The following WDFY2 variants were observed in gnomAD, a reference collection of about 807,000 sequenced individuals.
WDFY2 encodes WD repeat and FYVE domain containing 2.
A neutral mutation model predicts 56.4 loss-of-function variants in WDFY2; 36 were observed. That is an observed-to-expected ratio of 0.64 (90% CI 0.49 to 0.84). The LOEUF is 0.84. Ranked by LOEUF, WDFY2 falls within the 40% of genes least tolerant of loss-of-function variation. The pLI is 0.00. For synonymous variants in WDFY2, 176 were observed against 183.7 expected, an observed-to-expected ratio of 0.96 and a Z score of 0.34; for missense variants, 444 against 512.2, an observed-to-expected ratio of 0.87 and a Z score of 1.29.
At chr13:51,623,039 G>A (rs1409505618) in intron 1 of WDFY2, among the ~76,000 whole-genome samples, 1 of 151,994 alleles carries the variant, frequency 6.6e-6, no homozygotes, top group African/African-American at 2.4e-5. Flanking sequence ...TATATTTTTA[G>A]TGGAGACGGG....
chr13:51,722,583 A>G (rs1023178385), intron 5 of WDFY2, among the ~76,000 whole-genome samples: 1 of 152,324 alleles, frequency 6.6e-6, no homozygotes, highest in Non-Finnish European at 1.5e-5. Context: ...TACTTTGTTC[A>G]CTGTCAAAAC....
intron 1 of WDFY2, among the ~76,000 whole-genome samples, chr13:51,611,399 A>G (rs1274740977): frequency 6.6e-6 from 1 of 152,204 alleles, no homozygotes; most frequent in East Asian, 1.9e-4. Flanking sequence ...TAAAAAAAGA[A>G]TATCCTTTGT....
intron 2 of WDFY2, among the ~76,000 whole-genome samples, chr13:51,672,361 A>T (rs1167919978): frequency 6.6e-6 from 1 of 151,816 alleles, no homozygotes; most frequent in African/African-American, 2.4e-5. Flanking sequence ...GACTGTAAGT[A>T]TTTGGGTTTA....
chr13:51,673,541 A>G (rs1955838831), intron 2 of WDFY2, among the ~76,000 whole-genome samples: 1 of 152,234 alleles, frequency 6.6e-6, no homozygotes, highest in Non-Finnish European at 1.5e-5. Flanking sequence ...TTTTCCATGT[A>G]TCCTGTACTT....
At chr13:51,692,467 T>G (rs887272432) in intron 3 of WDFY2, among the ~76,000 whole-genome samples, 2 of 152,248 alleles carry the variant, frequency 1.3e-5, no homozygotes, top group African/African-American at 4.8e-5. Flanking sequence ...GGTTTTTCTC[T>G]TTGGTTCTGT....
chr13:51,616,979 G>A (rs1159148614), intron 1 of WDFY2, among the ~76,000 whole-genome samples: 1 of 152,182 alleles, frequency 6.6e-6, no homozygotes, highest in Admixed American at 6.5e-5. Flanking sequence ...TTGAGTTCAT[G>A]TCATTGTGAC....
chr13:51,667,879 C>CTGTTTTTTTTTTT (rs1955736987), intron 2 of WDFY2, among the ~76,000 whole-genome samples: 1 of 50,046 alleles, frequency 2.0e-5, no homozygotes, highest in African/African-American at 1.0e-4. Flanking sequence ...TGAGGAACTT[C>CTGTTTTTTTTTTT]TTTTTTTTTT....
intron 4 of WDFY2, among the ~76,000 whole-genome samples, chr13:51,704,493 A>G (rs913461267): frequency 2.0e-5 from 3 of 152,198 alleles, no homozygotes; most frequent in Admixed American, 6.5e-5. Context: ...ACATTGTGTG[A>G]TAAGTGATAA....
chr13:51,603,307 AGTTCCCTTGTGGGGCATTGG>A (rs939181067), intron 1 of WDFY2, among the ~76,000 whole-genome samples: 29 of 152,266 alleles, frequency 1.9e-4, no homozygotes, highest in South Asian at 6.2e-4. Flanking sequence ...CTGTAGTAGA[AGTTCCCTTGTGGGGCATTGG>A]GTTCCCTTGT....
At chr13:51,738,976 G>A (rs763712107) in intron 6 of WDFY2, 73 bp from the exon 7 acceptor site, 95 of 1,397,768 alleles carry the variant, frequency 6.8e-5, no homozygotes, top group Non-Finnish European at 8.2e-5. Context: ...TTCTGTCTCC[G>A]CTGCATTCAC....
At position 51,767,430 on chromosome 13, in the gene WDFY2, T is replaced by C. The variant is rs1237284356; in HGVS notation, c.*7661T>C. ...TGATGATGAGCCCTGGATCAGAGTGTCTCCAGGACCACTGAGAAGCTGCAG... is the reference window on the plus strand; with the variant it reads ...TGATGATGAGCCCTGGATCAGAGTGCCTCCAGGACCACTGAGAAGCTGCAG... On this transcript the variant is annotated 3_prime_UTR_variant, in exon 12 of 12. Coordinates refer to ENST00000298125, the MANE Select transcript of WDFY2 (RefSeq NM_052950.4). The C allele has an allele frequency of 6.6e-6, 1 of 152,174 alleles. No individual in the cohort carries two copies. The highest frequency in any genetic ancestry group is 1.5e-5 in the Non-Finnish European group (1 of 68,034). 9.4% of individuals were successfully genotyped at this position (152,174 alleles called of 1,614,324 possible).
At chr13:51,676,470 A>G (rs1324964239) in intron 3 of WDFY2, among the ~76,000 whole-genome samples, 2 of 152,340 alleles carry the variant, frequency 1.3e-5, no homozygotes, top group Middle Eastern at 3.4e-3. Flanking sequence ...GGATGAGACC[A>G]TATTTTATTT....
At chr13:51,748,358 G>A (rs1029008189) in intron 7 of WDFY2, among the ~76,000 whole-genome samples, 8 of 152,212 alleles carry the variant, frequency 5.3e-5, no homozygotes, top group Admixed American at 4.6e-4. Context: ...AGACTAATGA[G>A]CAGCACCCTT....
intron 4 of WDFY2, among the ~76,000 whole-genome samples, chr13:51,707,208 A>G (rs1425222968): frequency 6.6e-6 from 1 of 152,160 alleles, no homozygotes; most frequent in Non-Finnish European, 1.5e-5. Context: ...TGCCCAGGCT[A>G]GAGTGCAGTG....
intron 1 of WDFY2, among the ~76,000 whole-genome samples, chr13:51,651,094 C>T (rs1352824706): frequency 2.6e-5 from 4 of 152,246 alleles, no homozygotes; most frequent in Non-Finnish European, 4.4e-5. Context: ...ATTTCAGAGC[C>T]TCTTATTGGT....
chr13:51,707,939 CTTTTTTTTTTTTTTTTTTTTTTT>C (rs56054205), intron 4 of WDFY2, among the ~76,000 whole-genome samples: 1 of 57,570 alleles, frequency 1.7e-5, no homozygotes, highest in African/African-American at 7.2e-5. Context: ...CCTAAAACAA[CTTTTTTTTTTTTTTTTTTTTTTT>C]TTTTTTTTTG....
intron 1 of WDFY2, among the ~76,000 whole-genome samples, chr13:51,651,091 A>G (rs1955374095): frequency 6.6e-6 from 1 of 152,018 alleles, no homozygotes; most frequent in Admixed American, 6.6e-5. Context: ...TCAATTTCAG[A>G]GCCTCTTATT....
At position 51,765,130 on chromosome 13, in the gene WDFY2, GA is replaced by G. The variant is rs1953709322; in HGVS notation, c.*5362del. ...TCTGTCTGGGAGACCTGGCCCTGTG[GA>G]GGCAGGAACACCGTGCAGGGGCATG... On this transcript the variant is annotated 3_prime_UTR_variant, in exon 12 of 12. Coordinates refer to ENST00000298125, the MANE Select transcript of WDFY2 (RefSeq NM_052950.4). The G allele has an allele frequency of 6.6e-6, 1 of 152,238 alleles. No individual in the cohort carries two copies. The highest frequency in any genetic ancestry group is 2.1e-4 in the South Asian group (1 of 4,832). 9.4% of individuals were successfully genotyped at this position (152,238 alleles called of 1,614,324 possible).
At chr13:51,663,724 G>A (rs1247291419) in intron 2 of WDFY2, among the ~76,000 whole-genome samples, 1 of 152,172 alleles carries the variant, frequency 6.6e-6, no homozygotes, top group East Asian at 1.9e-4. Flanking sequence ...CCTATTGAGA[G>A]GGGTTTTGTT....
Sources: allele counts gnomAD v4.1 joint callset (sites outside exome capture counted in the v4.1 genomes callset), GRCh38; gene constraint gnomAD v4.1.1; transcripts MANE v1.5; gene names NCBI Gene and HGNC (gene_info 2026-07-23, HGNC 2026-07-21).